MTUS2: variants seen among roughly 807,000 people sequenced by gnomAD.
The protein encoded by MTUS2 is microtubule associated scaffold protein 2.
In MTUS2, 40 loss-of-function variants were observed where a neutral mutation model predicts 114.1. The observed-to-expected ratio is 0.35, with a 90% CI of 0.27 to 0.46. MTUS2 has a LOEUF of 0.46. MTUS2 is among the 20% of genes least tolerant of loss of function. The pLI is 1.00. For missense variants in MTUS2, 1,679 were observed against 1,705.4 expected, an observed-to-expected ratio of 0.98 and a Z score of 0.27; for synonymous variants, 688 against 672.0, an observed-to-expected ratio of 1.02 and a Z score of -0.37.
chr13:28,907,055 C>T (rs1049882159), intron 2 of MTUS2, among the ~76,000 whole-genome samples: 12 of 151,544 alleles, frequency 7.9e-5, no homozygotes, highest in Non-Finnish European at 1.6e-4. Context: ...GCAGATCTCT[C>T]GGCAGAAACC....
intron 4 of MTUS2, among the ~76,000 whole-genome samples, chr13:29,049,553 G>A (rs1221787335): frequency 6.6e-6 from 1 of 152,164 alleles, no homozygotes; most frequent in Non-Finnish European, 1.5e-5. Flanking sequence ...AACCCCTTAA[G>A]GTTTTCTCTT....
intron 7 of MTUS2, among the ~76,000 whole-genome samples, chr13:29,356,645 T>G (rs1869766890): frequency 6.6e-6 from 1 of 152,192 alleles, no homozygotes; most frequent in Non-Finnish European, 1.5e-5. Context: ...CGAGAAAGAA[T>G]ACTGTTTTTA....
chr13:29,493,191 T>G (rs1882309485), intron 12 of MTUS2, among the ~76,000 whole-genome samples: 1 of 152,190 alleles, frequency 6.6e-6, no homozygotes, highest in East Asian at 1.9e-4. Flanking sequence ...GCACCTTCTC[T>G]TCCTCTCACT....
chr13:29,091,241 T>C lies in MTUS2; in HGVS notation c.2447-9532T>C, dbSNP rs577426804. Among the ~76,000 whole-genome samples, 65 of 152,224 alleles carry C rather than the reference T, an allele frequency of 4.3e-4. 1 individual carries two copies. The South Asian group carries it at 0.011, about 26-fold the overall frequency. ...TCTAGTCAGCCATCCTGCCCCTTTCTCTTTTGTTTGTAAATTACCCACACT... is the reference window on the plus strand; with the variant it reads ...TCTAGTCAGCCATCCTGCCCCTTTCCCTTTTGTTTGTAAATTACCCACACT... On this transcript the variant is annotated intron_variant, in intron 4 of 15. Coordinates refer to ENST00000612955, the MANE Select transcript of MTUS2 (RefSeq NM_001033602.4).
At chr13:29,103,917 A>G (rs1401759652) in intron 5 of MTUS2, among the ~76,000 whole-genome samples, 8 of 152,346 alleles carry the variant, frequency 5.3e-5, no homozygotes, top group South Asian at 2.1e-4. Flanking sequence ...GTGACTCATT[A>G]TGAATTTATG....
intron 5 of MTUS2, among the ~76,000 whole-genome samples, chr13:29,212,419 A>C (rs1469635152): frequency 6.6e-6 from 1 of 152,190 alleles, no homozygotes; most frequent in Admixed American, 6.5e-5. Flanking sequence ...ACACCACCCG[A>C]GTGTCCTACA....
intron 5 of MTUS2, among the ~76,000 whole-genome samples, chr13:29,230,898 G>T (rs1896297443): frequency 1.3e-5 from 2 of 152,184 alleles, no homozygotes; most frequent in African/African-American, 2.4e-5. Context: ...CACAAGAATG[G>T]CAAGTCTTTA....
intron 8 of MTUS2, among the ~76,000 whole-genome samples, chr13:29,418,089 C>G (rs1875806234): frequency 6.6e-6 from 1 of 152,080 alleles, no homozygotes; most frequent in South Asian, 2.1e-4. Context: ...TCCGTAAGCC[C>G]CTGCTCTAAC....
chr13:29,490,399 A>T (rs1881975052), intron 11 of MTUS2, among the ~76,000 whole-genome samples: 1 of 152,064 alleles, frequency 6.6e-6, no homozygotes, highest in South Asian at 2.1e-4. Context: ...GATTAATGAG[A>T]CCCTCTTCCC....
intron 9 of MTUS2, among the ~76,000 whole-genome samples, chr13:29,473,505 C>G (rs1880465740): frequency 6.6e-6 from 1 of 152,140 alleles, no homozygotes; most frequent in Admixed American, 6.5e-5. Flanking sequence ...GCTGTTGTTT[C>G]AAGGATCACA....
In MTUS2 at chr13:29,371,976, GC is replaced by G. The variant is rs1266577455; in HGVS notation, c.3117+12514del. Among the ~76,000 whole-genome samples, 37 of 23,958 alleles carry G rather than the reference GC, an allele frequency of 1.5e-3. 2 individuals are homozygous for G. The highest frequency in any genetic ancestry group is 3.5e-3 in the African/African-American group (25 of 7,054). The allele number at this position is 23,958 out of a possible 152,430, so 15.7% of individuals were successfully genotyped here. A position where few individuals can be genotyped will look rare whatever the true frequency, so the allele number is the denominator to read the frequency against. On this transcript the variant is annotated intron_variant, in intron 8 of 15. Coordinates refer to ENST00000612955, the MANE Select transcript of MTUS2 (RefSeq NM_001033602.4). Reference sequence around the variant, plus strand: ...TAGATCTTAAGTGTCCTCAACCCCCGCCCCCCCCCCCACACACACACACAAG... The same window carrying G: ...TAGATCTTAAGTGTCCTCAACCCCCGCCCCCCCCCCACACACACACACAAG...
At chr13:28,920,445 G>A (rs1025420462) in intron 2 of MTUS2, among the ~76,000 whole-genome samples, 2 of 152,166 alleles carry the variant, frequency 1.3e-5, no homozygotes, top group Non-Finnish European at 2.9e-5. Context: ...CCTGGAACTA[G>A]GGGTGAGGGG....
chr13:29,052,135 C>A (rs1042713324), intron 4 of MTUS2, among the ~76,000 whole-genome samples: 1 of 152,128 alleles, frequency 6.6e-6, no homozygotes, highest in African/African-American at 2.4e-5. Flanking sequence ...TGTAATTTTA[C>A]AAAATATTGT....
At chr13:29,299,595 A>G (rs1369358939) in intron 6 of MTUS2, among the ~76,000 whole-genome samples, 1 of 152,168 alleles carries the variant, frequency 6.6e-6, no homozygotes, top group Non-Finnish European at 1.5e-5. Context: ...GCAGAGACAT[A>G]ACATAGTGCA....
At chr13:29,389,976 C>CGTGT (rs1873257633) in intron 8 of MTUS2, among the ~76,000 whole-genome samples, 3 of 37,484 alleles carry the variant, frequency 8.0e-5, no homozygotes, top group African/African-American at 2.8e-4. Context: ...TGTATATACA[C>CGTGT]ATACATGTAT....
intron 7 of MTUS2, among the ~76,000 whole-genome samples, chr13:29,336,535 C>T (rs141242558): frequency 0.014 from 2,151 of 152,180 alleles, 23 homozygotes; most frequent in Non-Finnish European, 0.021. Flanking sequence ...AAAGGGCACC[C>T]GCCGGACGCC....
In MTUS2 at chr13:29,025,639, A is replaced by G. The variant is rs374378190; in HGVS notation, c.941A>G (p.Tyr314Cys). ...GKGEAKLDLK[Y>C]VPPRRVEQEG... The stretch of plus-strand genomic sequence containing the variant: ...GGAGAGGCCAAGCTGGATCTGAAAT[A>G]TGTTCCTCCCAGGAGAGTTGAACAG... Residue 314 changes from tyrosine (Y) to cysteine (C), a missense_variant, in exon 3 of 16, where the codon TAT (tyrosine) becomes TGT (cysteine). Coordinates refer to ENST00000612955, the MANE Select transcript of MTUS2 (RefSeq NM_001033602.4). 1 of 1,614,028 alleles carries G rather than the reference A, an allele frequency of 6.2e-7. No homozygotes were observed. The highest frequency in any genetic ancestry group is 1.1e-5 in the South Asian group (1 of 91,082).
intron 5 of MTUS2, among the ~76,000 whole-genome samples, chr13:29,281,429 G>C (rs1898263021): frequency 6.6e-6 from 1 of 150,806 alleles, no homozygotes. Flanking sequence ...CTGTGTGTGT[G>C]TGTGTGTGTG....
chr13:29,186,039 C>A (rs1043638502), intron 5 of MTUS2, among the ~76,000 whole-genome samples: 1 of 151,990 alleles, frequency 6.6e-6, no homozygotes, highest in Non-Finnish European at 1.5e-5. Context: ...AAAAAGACCT[C>A]ATCTCTGCTA....
Sources: allele counts gnomAD v4.1 joint callset (sites outside exome capture counted in the v4.1 genomes callset), GRCh38; gene constraint gnomAD v4.1.1; transcripts MANE v1.5; gene names NCBI Gene and HGNC (gene_info 2026-07-23, HGNC 2026-07-21).